GALNT9: variants seen among roughly 807,000 people sequenced by gnomAD.
The protein encoded by GALNT9 is GalNAc transferase 9.
Under a neutral mutation model 63.1 loss-of-function variants are expected in GALNT9, and 47 were observed. The ratio of observed to expected loss-of-function variants is 0.75; its 90% confidence interval spans 0.59 to 0.95. The LOEUF is 0.95. Ranked by LOEUF, GALNT9 falls within the 40% of genes least tolerant of loss-of-function variation. The pLI is 0.00. For synonymous variants in GALNT9, 396 were observed against 365.7 expected (o/e 1.08, Z -0.94); for missense variants, 829 against 874.8 (o/e 0.95, Z 0.66).
intron 2 of GALNT9, among the ~76,000 whole-genome samples, chr12:132,262,997 C>G (rs781983348): frequency 6.6e-6 from 1 of 152,132 alleles, no homozygotes; most frequent in African/African-American, 2.4e-5. Context: ...ACAGCGACCC[C>G]GAGAGGAGAT....
intron 6 of GALNT9, among the ~76,000 whole-genome samples, chr12:132,223,065 A>C (rs1319315758): frequency 1.4e-5 from 1 of 72,268 alleles, no homozygotes; most frequent in Non-Finnish European, 2.5e-5. Context: ...CACAACCCAC[A>C]CCCCACATAC....
intron 6 of GALNT9, among the ~76,000 whole-genome samples, chr12:132,243,533 T>C (rs1878555993): frequency 6.6e-6 from 1 of 152,156 alleles, no homozygotes; most frequent in African/African-American, 2.4e-5. Flanking sequence ...GCTCTGGTGT[T>C]GTTGGTCCTT....
At chr12:132,244,944 G>A (rs918964381) in intron 6 of GALNT9, among the ~76,000 whole-genome samples, 3 of 151,172 alleles carry the variant, frequency 2.0e-5, no homozygotes, top group Admixed American at 6.6e-5. Flanking sequence ...AGGACACCAA[G>A]GTGAAAACTT....
intron 4 of GALNT9, among the ~76,000 whole-genome samples, chr12:132,259,407 A>T (rs959894338): frequency 2.0e-5 from 3 of 152,252 alleles, no homozygotes; most frequent in Non-Finnish European, 4.4e-5. Context: ...TGGGGGGCAG[A>T]CAGTGGAACA....
chr12:132,250,739 T>C (rs573045974), intron 5 of GALNT9, among the ~76,000 whole-genome samples: 3 of 152,278 alleles, frequency 2.0e-5, no homozygotes, highest in Admixed American at 6.5e-5. Flanking sequence ...TGCAGTGGAC[T>C]GAGATGACGC....
At chr12:132,211,368 G>A (rs1876949409) in intron 6 of GALNT9, among the ~76,000 whole-genome samples, 1 of 152,156 alleles carries the variant, frequency 6.6e-6, no homozygotes, top group African/African-American at 2.4e-5. Flanking sequence ...ACGAATAAAG[G>A]TGTGTTTGAG....
intron 2 of GALNT9, among the ~76,000 whole-genome samples, chr12:132,268,054 TGTG>T (rs1270077242): frequency 1.4e-5 from 2 of 143,946 alleles, no homozygotes; most frequent in East Asian, 2.1e-4. Flanking sequence ...CAAACCCACA[TGTG>T]GTCACACGCA....
At chr12:132,221,553 C>A (rs1197785140) in intron 6 of GALNT9, among the ~76,000 whole-genome samples, 1 of 146,238 alleles carries the variant, frequency 6.8e-6, no homozygotes, top group African/African-American at 2.5e-5. Flanking sequence ...CCCAGGTACT[C>A]GGGAGGCTGA....
chr12:132,273,883 C>T (rs1879959731), intron 2 of GALNT9: 1 of 152,248 alleles, frequency 6.6e-6, no homozygotes. Context: ...AAATTCAACC[C>T]TGTCAAGCTT....
chr12:132,226,790 C>T (rs909642016), intron 6 of GALNT9, among the ~76,000 whole-genome samples: 4 of 148,282 alleles, frequency 2.7e-5, no homozygotes, highest in Admixed American at 6.7e-5. Context: ...CCCACACATA[C>T]ACCCCATATA....
chr12:132,291,761 G>A (rs1445544282), intron 1 of GALNT9, among the ~76,000 whole-genome samples: 1 of 152,174 alleles, frequency 6.6e-6, no homozygotes, highest in Admixed American at 6.5e-5. Context: ...CTGGAGACCA[G>A]ATGCGCTCAG....
At position 132,303,264 on chromosome 12, in the gene GALNT9, C is replaced by T. The variant is rs527934348; in HGVS notation, c.239-16834G>A. 1.8e-4 allele frequency among the ~76,000 whole-genome samples: 28 copies of T among 152,170 alleles called. 1 individual carries two copies. In the South Asian group the frequency reaches 2.7e-3, roughly 15 times the overall value. On this transcript the variant is annotated intron_variant, in intron 1 of 10. Transcript: ENST00000328957. The stretch of plus-strand genomic sequence containing the variant: ...GTCACCAGGAGAGAGGCCCCCACCC[C>T]GGGCACCTTGAGCAGCACAGGGCCA...
intron 2 of GALNT9, among the ~76,000 whole-genome samples, chr12:132,272,126 C>T (rs1555240794): frequency 6.6e-6 from 1 of 152,186 alleles, no homozygotes; most frequent in African/African-American, 2.4e-5. Flanking sequence ...GGGGACGCAC[C>T]GTGGGGACAG....
At chr12:132,224,572 CCACACACACACACCA>C (rs1725407235) in intron 6 of GALNT9, among the ~76,000 whole-genome samples, 1 of 98,370 alleles carries the variant, frequency 1.0e-5, no homozygotes, top group Non-Finnish European at 2.2e-5. Context: ...AACCCACACC[CCACACACACACACCA>C]CACAACCCAC....
Position 132,199,282 on chromosome 12 carries a change from G to T in GALNT9, c.1402-13C>A. 1 of 1,585,734 alleles carries T rather than the reference G, an allele frequency of 6.3e-7. No homozygotes were observed. Among genetic ancestry groups the T allele is most frequent in the Non-Finnish European group, 8.6e-7 (1 of 1,163,792 alleles). ...TGCTGTTTCTCACCTGCAAGCAGAA[G>T]CCCCAGGAGAAAGTCCAGAGTCACC... On this transcript the variant is annotated splice_polypyrimidine_tract_variant and intron_variant, in intron 8 of 10. Transcript: ENST00000328957.
intron 5 of GALNT9, among the ~76,000 whole-genome samples, chr12:132,256,969 G>A (rs66621739): frequency 0.83 from 126,489 of 152,206 alleles, 53,598 homozygotes; most frequent in Non-Finnish European, 0.92. Context: ...TGTTCATGTC[G>A]CGCCCTGTCC....
At chr12:132,298,226 T>A (rs919604265) in intron 1 of GALNT9, among the ~76,000 whole-genome samples, 2 of 151,610 alleles carry the variant, frequency 1.3e-5, no homozygotes, top group Non-Finnish European at 2.9e-5. Flanking sequence ...AACTAACCCA[T>A]TCCCATGATG....
chr12:132,292,360 C>T (rs1555242858), intron 1 of GALNT9, among the ~76,000 whole-genome samples: 14 of 152,160 alleles, frequency 9.2e-5, no homozygotes, highest in Non-Finnish European at 1.6e-4. Flanking sequence ...CCCCCCATCC[C>T]ACAGGAGAGG....
chr12:132,271,277 G>A (rs1219219318), intron 2 of GALNT9, among the ~76,000 whole-genome samples: 3 of 151,852 alleles, frequency 2.0e-5, no homozygotes, highest in Admixed American at 6.6e-5. Flanking sequence ...GCCAGGGCTC[G>A]AGGGTGGGGG....
Sources: allele counts gnomAD v4.1 joint callset (sites outside exome capture counted in the v4.1 genomes callset), GRCh38; gene constraint gnomAD v4.1.1; transcripts MANE v1.5; gene names NCBI Gene and HGNC (gene_info 2026-07-23, HGNC 2026-07-21).